Variants in KCND2 observed in about 807,000 individuals in gnomAD.
KCND2 encodes A-type voltage-gated potassium channel KCND2.
KCND2 carries 16 observed loss-of-function variants against 54.4 expected under a neutral mutation model. The observed-to-expected ratio is 0.29, with a 90% CI of 0.20 to 0.45. The LOEUF (loss-of-function observed/expected upper bound fraction) is 0.45. KCND2 is among the 20% of genes least tolerant of loss of function. The probability of loss-of-function intolerance (pLI) is 1.00; values close to 1 mark genes in which losing one functional copy is unlikely to be tolerated. For missense variants in KCND2, 486 were observed against 824.2 expected, an observed-to-expected ratio of 0.59 and a Z score of 5.02; for synonymous variants, 317 against 310.7, an observed-to-expected ratio of 1.02 and a Z score of -0.21.
chr7:120,455,390 T>A (rs1218607672), intron 1 of KCND2, among the ~76,000 whole-genome samples: 1 of 152,122 alleles, frequency 6.6e-6, no homozygotes, highest in African/African-American at 2.4e-5. Flanking sequence ...GGTGAGAATG[T>A]AAATTAGTTC....
chr7:120,394,090 C>T (rs1037626076), intron 1 of KCND2, among the ~76,000 whole-genome samples: 1 of 151,890 alleles, frequency 6.6e-6, no homozygotes, highest in Non-Finnish European at 1.5e-5. Flanking sequence ...ATGGGTTCTT[C>T]CTGCCTGCTG....
intron 1 of KCND2, among the ~76,000 whole-genome samples, chr7:120,686,941 T>C (rs1017070670): frequency 6.6e-6 from 1 of 152,162 alleles, no homozygotes; most frequent in Non-Finnish European, 1.5e-5. Context: ...TGGCACCGGT[T>C]GTGAACAATT....
intron 1 of KCND2, among the ~76,000 whole-genome samples, chr7:120,621,979 T>G (rs1292624168): frequency 6.6e-6 from 1 of 151,948 alleles, no homozygotes; most frequent in Non-Finnish European, 1.5e-5. Context: ...TTGTTGTTGT[T>G]GTTTTGGTTT....
intron 1 of KCND2, among the ~76,000 whole-genome samples, chr7:120,605,736 T>A (rs1254550339): frequency 6.6e-6 from 1 of 152,230 alleles, no homozygotes; most frequent in African/African-American, 2.4e-5. Context: ...CTTGTTATTA[T>A]CTATCTTTTT....
At chr7:120,523,434 TA>T (rs1365410291) in intron 1 of KCND2, among the ~76,000 whole-genome samples, 3 of 150,428 alleles carry the variant, frequency 2.0e-5, no homozygotes, top group East Asian at 3.9e-4. Flanking sequence ...TATATTTAGG[TA>T]GTTTTTTAAA....
chr7:120,492,770 C>T (rs1312931552), intron 1 of KCND2, among the ~76,000 whole-genome samples: 1 of 152,022 alleles, frequency 6.6e-6, no homozygotes, highest in Non-Finnish European at 1.5e-5. Context: ...CTTGGCCTAG[C>T]GTGCCATAAA....
At chr7:120,505,841 T>C (rs923596375) in intron 1 of KCND2, among the ~76,000 whole-genome samples, 1 of 151,868 alleles carries the variant, frequency 6.6e-6, no homozygotes, top group South Asian at 2.1e-4. Flanking sequence ...CATACCATTA[T>C]GTGGCTGGGT....
chr7:120,614,016 ATTT>A (rs763691698), intron 1 of KCND2, among the ~76,000 whole-genome samples: 2 of 141,462 alleles, frequency 1.4e-5, no homozygotes, highest in Non-Finnish European at 1.5e-5. Flanking sequence ...TCTTTGTTGG[ATTT>A]TTTTTTTTTT....
In KCND2 at chr7:120,677,520, T is replaced by TAG. The variant is rs1233681157; in HGVS notation, c.1116-55382_1116-55381insGA. ...ACCATTGGTGGTAAGAATTCAAATA[T>TAG]ATATATATAGATATAGATATAGATA... On this transcript the variant is annotated intron_variant, in intron 1 of 5. Coordinates refer to ENST00000331113, the MANE Select transcript of KCND2 (RefSeq NM_012281.3). Among the ~76,000 whole-genome samples the TAG allele has an allele frequency of 1.2e-4, 17 of 140,980 alleles. No homozygotes were observed. The East Asian group carries it at 1.8e-3, about 15-fold the overall frequency. 92.5% of individuals were successfully genotyped at this position (140,980 alleles called of 152,430 possible).
chr7:120,308,925 C>G (rs1799687673), intron 1 of KCND2, among the ~76,000 whole-genome samples: 1 of 152,096 alleles, frequency 6.6e-6, no homozygotes, highest in Non-Finnish European at 1.5e-5. Context: ...GAATTTTGAA[C>G]TGTACAAACC....
At chr7:120,333,440 T>C (rs2116351267) in intron 1 of KCND2, among the ~76,000 whole-genome samples, 1 of 152,112 alleles carries the variant, frequency 6.6e-6, no homozygotes, top group South Asian at 2.1e-4. Flanking sequence ...CCAGAAGAAA[T>C]AGAAAATATA....
chr7:120,379,591 G>A (rs1800886167), intron 1 of KCND2, among the ~76,000 whole-genome samples: 1 of 151,856 alleles, frequency 6.6e-6, no homozygotes, highest in East Asian at 1.9e-4. Flanking sequence ...TATGTCTGTG[G>A]CCCATTACTC....
At chr7:120,527,280 A>G (rs1051121379) in intron 1 of KCND2, among the ~76,000 whole-genome samples, 1 of 152,162 alleles carries the variant, frequency 6.6e-6, no homozygotes, top group African/African-American at 2.4e-5. Context: ...AGTGGTCATT[A>G]GGGACCTCAT....
At chr7:120,603,735 TC>T (rs1792843971) in intron 1 of KCND2, among the ~76,000 whole-genome samples, 2 of 152,216 alleles carry the variant, frequency 1.3e-5, no homozygotes, top group African/African-American at 4.8e-5. Context: ...ATTAAAAGTT[TC>T]CATGGTCCCT....
intron 1 of KCND2, among the ~76,000 whole-genome samples, chr7:120,615,915 A>C (rs1427834811): frequency 6.6e-6 from 1 of 152,182 alleles, no homozygotes; most frequent in Non-Finnish European, 1.5e-5. Flanking sequence ...TCCATGGTCA[A>C]CTTGTGTCTG....
intron 1 of KCND2, among the ~76,000 whole-genome samples, chr7:120,552,889 AT>A (rs1372905222): frequency 6.6e-6 from 1 of 152,072 alleles, no homozygotes; most frequent in Admixed American, 6.6e-5. Flanking sequence ...AACATTTGTA[AT>A]TTTTTCCCAG....
intron 1 of KCND2, among the ~76,000 whole-genome samples, chr7:120,615,948 C>T (rs1198851698): frequency 6.6e-6 from 1 of 152,112 alleles, no homozygotes; most frequent in Non-Finnish European, 1.5e-5. Context: ...TGACTTTTAA[C>T]GGTGGTTTTG....
At chr7:120,328,644 G>C (rs778404531) in intron 1 of KCND2, among the ~76,000 whole-genome samples, 4 of 152,056 alleles carry the variant, frequency 2.6e-5, no homozygotes, top group Non-Finnish European at 4.4e-5. Flanking sequence ...CAAAGAAAGG[G>C]AGGAAAAACT....
intron 1 of KCND2, among the ~76,000 whole-genome samples, chr7:120,524,949 C>T (rs1268729361): frequency 2.0e-5 from 3 of 152,126 alleles, no homozygotes; most frequent in Non-Finnish European, 2.9e-5. Context: ...TTACTTGGAA[C>T]TCATATTTCC....
Sources: gnomAD v4.1 joint callset for allele counts (sites outside exome capture counted in the v4.1 genomes callset) on GRCh38, gnomAD v4.1.1 for gene constraint, MANE v1.5 for transcripts, NCBI Gene and HGNC (gene_info 2026-07-23, HGNC 2026-07-21) for gene names.